Variants in MYB observed in about 807,000 individuals in gnomAD.
The protein encoded by MYB is MYB proto-oncogene, transcription factor.
A neutral mutation model predicts 92.9 loss-of-function variants in MYB; 28 were observed. That is an observed-to-expected ratio of 0.30 (90% CI 0.22 to 0.41). The LOEUF (loss-of-function observed/expected upper bound fraction) is 0.41. MYB is among the 10% of genes least tolerant of loss of function. The pLI is 1.00. For synonymous variants in MYB, 295 were observed against 329.1 expected (o/e 0.90, Z 1.12); for missense variants, 679 against 929.3 (o/e 0.73, Z 3.50).
In MYB at chr6:135,181,489, G is replaced by A. The variant is rs987050839; in HGVS notation, c.-25G>A. On this transcript the variant is annotated 5_prime_UTR_variant, in exon 1 of 16. Coordinates refer to ENST00000341911, the MANE Select transcript of MYB (RefSeq NM_001130173.2). This position sits in a 1 kb window ranked among gnomAD's most constrained non-coding sequence, Gnocchi z 5.3. The stretch of plus-strand genomic sequence containing the variant: ...GCCCGGTGCGGTCCCCGCGGCTCTC[G>A]GCGGAGCCCCGCGCCCGCCGCGCCA... The A allele has an allele frequency of 1.8e-5, 20 of 1,121,750 alleles. No homozygotes were observed. Among genetic ancestry groups the A allele is most frequent in the South Asian group, 4.3e-5 (1 of 23,342 alleles). The allele number at this position is 1,121,750 out of a possible 1,614,324, so 69.5% of individuals were successfully genotyped here. A position where few individuals can be genotyped will look rare whatever the true frequency, so the allele number is the denominator to read the frequency against.
intron 15 of MYB, among the ~76,000 whole-genome samples, chr6:135,214,329 T>C (rs954064427): frequency 8.0e-5 from 12 of 150,142 alleles, no homozygotes; most frequent in African/African-American, 2.7e-4. Context: ...CCCAGCTAAA[T>C]AGAAAAAAAA....
rs1445220601 is a variant in MYB at position 135,218,992 on chromosome 6, G to A, written c.*1012G>A. On this transcript the variant is annotated 3_prime_UTR_variant, in exon 16 of 16. Transcript: ENST00000341911. ...TCCGCATCCCCTGTGGTTTCTAAGT[G>A]TATGGTCTCAGAACTGTTGCATGGA... 4.4e-6 allele frequency: 1 copy of A among 225,292 alleles called. No individual in the cohort carries two copies. The highest frequency in any genetic ancestry group is 2.2e-5 in the African/African-American group (1 of 44,874). The allele number at this position is 225,292 out of a possible 1,614,324, so 14.0% of individuals were successfully genotyped here.
chr6:135,207,738 T>TC (rs1471518034), intron 15 of MYB, among the ~76,000 whole-genome samples: 18 of 31,122 alleles, frequency 5.8e-4, no homozygotes, highest in African/African-American at 3.0e-3. Context: ...ACCTCATCTC[T>TC]TTTTTTTTTT....
rs1167496872 is a variant in MYB at position 135,182,500 on chromosome 6, C to T, written c.23+964C>T. On this transcript the variant is annotated intron_variant, in intron 1 of 15. Coordinates refer to ENST00000341911, the MANE Select transcript of MYB (RefSeq NM_001130173.2). This position sits in a 1 kb window ranked among gnomAD's most constrained non-coding sequence, Gnocchi z 5.6. Reference sequence around the variant, plus strand: ...GCACCCAAGGCCGCTGCCGCGCAACCGGGACGCGATCCCCGCGGGCTCTGC... The same window carrying T: ...GCACCCAAGGCCGCTGCCGCGCAACTGGGACGCGATCCCCGCGGGCTCTGC... Among the ~76,000 whole-genome samples the T allele has an allele frequency of 6.6e-6, 1 of 152,192 alleles. No homozygotes were observed. Among genetic ancestry groups the T allele is most frequent in the Non-Finnish European group, 1.5e-5 (1 of 68,028 alleles).
At chr6:135,202,234 A>G (rs2128305144) in intron 14 of MYB, among the ~76,000 whole-genome samples, 1 of 152,372 alleles carries the variant, frequency 6.6e-6, no homozygotes, top group East Asian at 1.9e-4. Flanking sequence ...TTATGTCTTA[A>G]GGAAAATCAG....
chr6:135,193,800 C>T (rs769413676), intron 6 of MYB, 38 bp from the exon 7 acceptor site: 44 of 1,466,134 alleles, frequency 3.0e-5, no homozygotes, highest in Admixed American at 3.4e-5. Context: ...ATATGTAGCC[C>T]TGAATGACGT....
At chr6:135,212,224 C>CTTTTTTTTTTTTTTTTTTTTTT (rs545704827) in intron 15 of MYB, among the ~76,000 whole-genome samples, 3 of 32,886 alleles carry the variant, frequency 9.1e-5, no homozygotes, top group Non-Finnish European at 1.6e-4. Context: ...TTTGGTTTTA[C>CTTTTTTTTTTTTTTTTTTTTTT]TTTTTTTTTT....
At chr6:135,194,309 C>T in intron 7 of MYB, 47 bp from the exon 8 acceptor site, 5 of 1,412,250 alleles carry the variant, frequency 3.5e-6, no homozygotes, top group Middle Eastern at 2.0e-4. Context: ...GTATTTGCAG[C>T]TTCCAATCAG....
intron 15 of MYB, among the ~76,000 whole-genome samples, chr6:135,210,631 AAC>A (rs1779580175): frequency 6.6e-6 from 1 of 152,236 alleles, no homozygotes; most frequent in Admixed American, 6.5e-5. Flanking sequence ...GCATGGGGGC[AAC>A]AGAACCTGGG....
chr6:135,196,809 A>G, intron 9 of MYB, 152 bp from the exon 10 acceptor site: 1 of 1,576,496 alleles, frequency 6.3e-7, no homozygotes, highest in Non-Finnish European at 8.6e-7. Context: ...CTGCAGTATA[A>G]TAGAGCAACT....
At position 135,203,694 on chromosome 6, in the gene MYB, A is replaced by G. The variant is rs759550085; in HGVS notation, c.2169+370A>G. The stretch of plus-strand genomic sequence containing the variant: ...GTTTACTTTATGTTCCAAATTTTTT[A>G]TTTTTTATGCTGTATCCCTAGGCAA... On this transcript the variant is annotated intron_variant, in intron 15 of 15. Coordinates refer to ENST00000341911, the MANE Select transcript of MYB (RefSeq NM_001130173.2). 2.8e-6 allele frequency: 4 copies of G among 1,428,712 alleles called. No individual in the cohort carries two copies. The South Asian group carries it at 5.0e-5, about 18-fold the overall frequency. 88.5% of individuals were successfully genotyped at this position (1,428,712 alleles called of 1,614,324 possible). A position where few individuals can be genotyped will look rare whatever the true frequency, so the allele number is the denominator to read the frequency against.
chr6:135,213,489 T>G (rs543944565), intron 15 of MYB, among the ~76,000 whole-genome samples: 2 of 152,126 alleles, frequency 1.3e-5, no homozygotes, highest in Non-Finnish European at 2.9e-5. Flanking sequence ...AGATTTCAAG[T>G]TGAAAATAGA....
At chr6:135,207,506 T>C (rs1779099121) in intron 15 of MYB, among the ~76,000 whole-genome samples, 1 of 152,210 alleles carries the variant, frequency 6.6e-6, no homozygotes, top group Non-Finnish European at 1.5e-5. Context: ...AGACAAGCAA[T>C]TATTACTATT....
intron 3 of MYB, among the ~76,000 whole-genome samples, chr6:135,188,873 G>A (rs975195905): frequency 9.9e-5 from 15 of 152,232 alleles, no homozygotes; most frequent in African/African-American, 3.1e-4. Flanking sequence ...AAATGCAGCT[G>A]TACCTTATCT....
chr6:135,203,588 T>A (rs529682494), intron 15 of MYB: 2 of 784,292 alleles, frequency 2.6e-6, no homozygotes, highest in South Asian at 1.9e-5. Flanking sequence ...CATTTCTTAC[T>A]GTGACTGAGA....
chr6:135,203,037 GT>G, intron 14 of MYB, 179 bp from the exon 15 acceptor site: 1 of 699,442 alleles, frequency 1.4e-6, no homozygotes, highest in Non-Finnish European at 2.6e-6. Flanking sequence ...TGGGATTAAG[GT>G]TCAGACATAG....
At chr6:135,187,490 T>G (rs1054614703) in intron 2 of MYB, among the ~76,000 whole-genome samples, 4 of 152,312 alleles carry the variant, frequency 2.6e-5, no homozygotes, top group African/African-American at 9.6e-5. Context: ...TTGCCTCATG[T>G]AATCCCCAAA....
chr6:135,187,990 A>G (rs1776140547), intron 3 of MYB, 85 bp downstream of exon 3: 1 of 969,022 alleles, frequency 1.0e-6, no homozygotes, highest in Non-Finnish European at 1.6e-6. Context: ...TTATTAAGAT[A>G]GTGTATAATT....
At chr6:135,192,699 G>A (rs781364535) in intron 6 of MYB, 141 bp downstream of exon 6, 1 of 742,340 alleles carries the variant, frequency 1.3e-6, no homozygotes, top group Non-Finnish European at 2.2e-6. Flanking sequence ...GCCCTTTGAA[G>A]TAGATAGGGT....
Sources: allele counts gnomAD v4.1 joint callset (sites outside exome capture counted in the v4.1 genomes callset), GRCh38; gene constraint gnomAD v4.1.1; non-coding constraint Gnocchi (gnomAD v3.1); transcripts MANE v1.5; gene names NCBI Gene and HGNC (gene_info 2026-07-23, HGNC 2026-07-21).